IRAK2: variants seen among roughly 807,000 people sequenced by gnomAD.
The protein encoded by IRAK2 is interleukin-1 receptor-associated kinase-like 2.
IRAK2 carries 57 observed loss-of-function variants against 72.0 expected under a neutral mutation model. That is an observed-to-expected ratio of 0.79 (90% CI 0.64 to 0.99). IRAK2 has a LOEUF of 0.99. Ranked by LOEUF, IRAK2 falls within the 50% of genes least tolerant of loss-of-function variation. The pLI, the probability that IRAK2 is intolerant of heterozygous loss-of-function variation, is 0.00. For synonymous variants in IRAK2, 293 were observed against 312.7 expected (o/e 0.94, Z 0.67); for missense variants, 790 against 794.4 (o/e 0.99, Z 0.07).
chr3:10,241,521 T>C (rs975806786), intron 12 of IRAK2, among the ~76,000 whole-genome samples: 1 of 149,738 alleles, frequency 6.7e-6, no homozygotes, highest in Non-Finnish European at 1.5e-5. Context: ...ATTGAGCCAC[T>C]GCACTCCAGC....
intron 2 of IRAK2, among the ~76,000 whole-genome samples, chr3:10,195,858 C>G (rs532856639): frequency 6.6e-6 from 1 of 152,248 alleles, no homozygotes; most frequent in South Asian, 2.1e-4. Flanking sequence ...GGATGACAAG[C>G]CTTTCCAGGA....
intron 4 of IRAK2, among the ~76,000 whole-genome samples, chr3:10,210,286 C>T (rs950103184): frequency 4.0e-5 from 6 of 151,512 alleles, no homozygotes; most frequent in Non-Finnish European, 7.4e-5. Flanking sequence ...GAGGCTGAGG[C>T]GGGAGGATGG....
At chr3:10,209,028 C>T (rs1417901265) in intron 3 of IRAK2, among the ~76,000 whole-genome samples, 3 of 152,050 alleles carry the variant, frequency 2.0e-5, no homozygotes, top group South Asian at 2.1e-4. Context: ...TTGTTGAAAA[C>T]GTTTCTCCAT....
At chr3:10,199,623 G>A (rs926551550) in intron 2 of IRAK2, among the ~76,000 whole-genome samples, 4 of 152,140 alleles carry the variant, frequency 2.6e-5, no homozygotes, top group African/African-American at 9.7e-5. Flanking sequence ...GAGGGATGGT[G>A]TCTTTGACCC....
intron 1 of IRAK2, among the ~76,000 whole-genome samples, chr3:10,165,426 T>TGG (rs34151182): frequency 3.0e-4 from 46 of 151,216 alleles, no homozygotes; most frequent in African/African-American, 1.1e-3. Flanking sequence ...TGTCACTTCT[T>TGG]GGGGGGGTGT....
In IRAK2 at chr3:10,199,973, C is replaced by T. The variant is rs191508803; in HGVS notation, c.278-396C>T. Among the ~76,000 whole-genome samples, 518 of 151,198 alleles carry T rather than the reference C, an allele frequency of 3.4e-3. 11 individuals are homozygous for T. The South Asian group carries it at 0.044, about 13-fold the overall frequency. ...TGCGATCTTGGCTCACTGCAAGCTC[C>T]GCCTCCCCGGTTCAAGTGATTCTCC... On this transcript the variant is annotated intron_variant, in intron 2 of 12. Coordinates refer to ENST00000256458, the MANE Select transcript of IRAK2 (RefSeq NM_001570.4).
intron 8 of IRAK2, among the ~76,000 whole-genome samples, chr3:10,221,284 C>T (rs1437248167): frequency 3.6e-5 from 5 of 138,336 alleles, no homozygotes; most frequent in East Asian, 2.2e-4. Flanking sequence ...GATGGAGTCG[C>T]GCTCTGTGGC....
At chr3:10,206,700 C>T (rs1255062185) in intron 3 of IRAK2, among the ~76,000 whole-genome samples, 2 of 152,102 alleles carry the variant, frequency 1.3e-5, no homozygotes, top group Non-Finnish European at 2.9e-5. Context: ...GGCCTACAGG[C>T]ATGTGCCACC....
rs1698086241 is a variant in IRAK2 at position 10,243,099 on chromosome 3, A to G, written c.*871A>G. 6.6e-6 allele frequency: 1 copy of G among 152,270 alleles called. No homozygotes were observed. 9.4% of individuals were successfully genotyped at this position (152,270 alleles called of 1,614,324 possible). A position where few individuals can be genotyped will look rare whatever the true frequency, so the allele number is the denominator to read the frequency against. The stretch of plus-strand genomic sequence containing the variant: ...ACCCAGGCTGGAGTGCAGTGGCACG[A>G]TCTCAGCTCACTGCAAGCTCTGCCT... On this transcript the variant is annotated 3_prime_UTR_variant, in exon 13 of 13. Transcript: ENST00000256458.
intron 1 of IRAK2, 87 bp from the exon 2 acceptor site, chr3:10,177,750 GA>G: frequency 7.4e-7 from 1 of 1,344,550 alleles, no homozygotes; most frequent in South Asian, 1.2e-5. Flanking sequence ...GGATGTCCTG[GA>G]AAAGCCCAGC....
intron 2 of IRAK2, among the ~76,000 whole-genome samples, chr3:10,179,278 T>TTG (rs909018710): frequency 6.6e-6 from 1 of 151,274 alleles, no homozygotes. Context: ...TTCAGTTGTT[T>TTG]TTTTTTTTTT....
At chr3:10,214,171 T>G (rs1048452510) in intron 6 of IRAK2, among the ~76,000 whole-genome samples, 2 of 151,952 alleles carry the variant, frequency 1.3e-5, no homozygotes, top group African/African-American at 4.8e-5. Flanking sequence ...TCAAGTGATC[T>G]TTCTGCTTTG....
At chr3:10,174,744 C>T (rs1696846760) in intron 1 of IRAK2, among the ~76,000 whole-genome samples, 1 of 152,030 alleles carries the variant, frequency 6.6e-6, no homozygotes, top group East Asian at 1.9e-4. Context: ...AGGCTGGTCT[C>T]GAACTCCTGA....
rs1182226807 is a variant in IRAK2, at chr3:10,222,777, T to C, written c.1155T>C (p.Asp385=). 1.2e-6 allele frequency: 2 copies of C among 1,613,910 alleles called. No individual in the cohort carries two copies. Among genetic ancestry groups the C allele is most frequent in the African/African-American group, 1.3e-5 (1 of 74,904 alleles). Reference sequence around the variant, plus strand: ...CGTCAGCCGCGTATCTGCCAGAGGATTTCATCCGGGTGGGGCAGCTGACAA... The same window carrying C: ...CGTCAGCCGCGTATCTGCCAGAGGACTTCATCCGGGTGGGGCAGCTGACAA... ...LRTSAAYLPE[D]FIRVGQLTKR... is the part of the protein sequence containing the mutation. Residue 385 remains aspartate, a synonymous_variant, in exon 9 of 13, where the codon GAT becomes GAC. Transcript: ENST00000256458.
At chr3:10,195,964 T>A (rs1403527905) in intron 2 of IRAK2, among the ~76,000 whole-genome samples, 1 of 152,124 alleles carries the variant, frequency 6.6e-6, no homozygotes, top group African/African-American at 2.4e-5. Flanking sequence ...AGATGAGGAC[T>A]GGGAGTGGCG....
chr3:10,185,132 T>A (rs986050902), intron 2 of IRAK2, among the ~76,000 whole-genome samples: 1 of 151,528 alleles, frequency 6.6e-6, no homozygotes, highest in African/African-American at 2.4e-5. Context: ...TAAGCATCAG[T>A]ATCACCTGGG....
At chr3:10,178,829 G>T (rs1696917975) in intron 2 of IRAK2, among the ~76,000 whole-genome samples, 1 of 152,102 alleles carries the variant, frequency 6.6e-6, no homozygotes, top group East Asian at 1.9e-4. Flanking sequence ...TTGAGACAGG[G>T]TCGTGCTCTG....
chr3:10,213,145 T>G (rs1697549253), intron 4 of IRAK2, 62 bp from the exon 5 acceptor site: 2 of 1,409,466 alleles, frequency 1.4e-6, no homozygotes, highest in African/African-American at 2.8e-5. Flanking sequence ...CCAAGGTCCC[T>G]TGAGGTAGCA....
intron 6 of IRAK2, among the ~76,000 whole-genome samples, chr3:10,216,332 C>T (rs1225679855): frequency 3.3e-5 from 5 of 152,038 alleles, no homozygotes; most frequent in Admixed American, 3.3e-4. Context: ...CATCAGGATG[C>T]AAATTGACAT....
Sources: allele counts gnomAD v4.1 joint callset (sites outside exome capture counted in the v4.1 genomes callset), GRCh38; gene constraint gnomAD v4.1.1; transcripts MANE v1.5; gene names NCBI Gene and HGNC (gene_info 2026-07-23, HGNC 2026-07-21).